MYH3: variants seen among roughly 807,000 people sequenced by gnomAD.
MYH3 encodes the protein myosin heavy chain 3.
In MYH3, 130 loss-of-function variants were observed where a neutral mutation model predicts 238.0. That is an observed-to-expected ratio of 0.55 (90% confidence interval 0.47 to 0.63). The LOEUF (loss-of-function observed/expected upper bound fraction) is 0.63, where lower values mean the gene tolerates loss of function less well. Among genes scored for constraint, MYH3 ranks in the 30% least tolerant of loss-of-function variants. MYH3 has a pLI of 0.00. For missense variants in MYH3, 1,853 were observed against 2,374.9 expected, an observed-to-expected ratio of 0.78 and a Z score of 4.57; for synonymous variants, 880 against 924.1, an observed-to-expected ratio of 0.95 and a Z score of 0.86.
chr17:10,651,778 T>G, intron 4 of MYH3, 110 bp from the exon 5 acceptor site: 1 of 1,387,110 alleles, frequency 7.2e-7, no homozygotes, highest in South Asian at 1.3e-5. Flanking sequence ...GGAGTCTCAC[T>G]CTGTCACCAG....
rs765984424 is a variant in MYH3 at position 10,639,788 on chromosome 17, C to A, written c.2697G>T (p.Leu899Phe). 6.2e-7 allele frequency: 1 copy of A among 1,613,700 alleles called. No homozygotes were observed. Among genetic ancestry groups the A allele is most frequent in the South Asian group, 1.1e-5 (1 of 91,036 alleles). ...QLQVQAESEN[L>F]LDAEERCDQL... ...GATCGCATCTTTCCTCAGCATCCAACAAATTTTCGCTTTCCTTAAAAAAAA... is the reference window on the plus strand; with the variant it reads ...GATCGCATCTTTCCTCAGCATCCAAAAAATTTTCGCTTTCCTTAAAAAAAA... The change falls in exon 23 of 41, where the codon TTG becomes TTT. Residue 899 changes from leucine to phenylalanine, a missense_variant. Physicochemically the swap from Leu to Phe is conservative, Grantham distance 22 (BLOSUM62 0). This residue lies in a region of MYH3 where 678 missense variants were observed against 1,058.9 expected (regional missense o/e 0.64). Coordinates refer to ENST00000583535, the MANE Select transcript of MYH3 (RefSeq NM_002470.4).
chr17:10,630,524 T>C, intron 36 of MYH3, 66 bp from the exon 37 acceptor site: 1 of 1,606,810 alleles, frequency 6.2e-7, no homozygotes, highest in Middle Eastern at 1.7e-4. Flanking sequence ...TGTCAAAACC[T>C]GGGGACCTCG....
Position 10,649,519 on chromosome 17 carries a change from G to A in MYH3, c.642+58C>T, listed in dbSNP as rs1007436394. 10 of 1,373,366 alleles carry A rather than the reference G, an allele frequency of 7.3e-6. No individual in the cohort carries two copies. The African/African-American group carries it at 1.3e-4, about 18-fold the overall frequency. The allele number at this position is 1,373,366 out of a possible 1,614,324, so 85.1% of individuals were successfully genotyped here. A position where few individuals can be genotyped will look rare whatever the true frequency, so the allele number is the denominator to read the frequency against. On this transcript the variant is annotated intron_variant, in intron 7 of 40. Coordinates refer to ENST00000583535, the MANE Select transcript of MYH3 (RefSeq NM_002470.4). ...TGAGGACATTTGGCCCCCTCATTCT[G>A]AGGTTAAGACCACAGTTAAAAGTGG... is the stretch of plus-strand genomic sequence containing the variant.
At chr17:10,655,461 G>A (rs1444455745) in intron 2 of MYH3, among the ~76,000 whole-genome samples, 2 of 152,146 alleles carry the variant, frequency 1.3e-5, no homozygotes, top group Non-Finnish European at 2.9e-5. Flanking sequence ...AAAAATAAAC[G>A]CCATCTTCAA....
At chr17:10,629,807 G>A (rs371770372) in intron 39 of MYH3, 35 bp downstream of exon 39, 10 of 1,613,970 alleles carry the variant, frequency 6.2e-6, no homozygotes, top group Non-Finnish European at 8.5e-6. Flanking sequence ...AAACAGCACG[G>A]TCTGCCTGCC....
At position 10,642,590 on chromosome 17, in the gene MYH3, C is replaced by T. The variant is rs879174054; in HGVS notation, c.1715G>A (p.Gly572Asp). The T allele has an allele frequency of 1.9e-6, 3 of 1,614,206 alleles. No individual in the cohort carries two copies. In the East Asian group the frequency reaches 6.7e-5, roughly 36 times the overall value. The change falls in exon 16 of 41, where the codon GGC (glycine) becomes GAC (aspartate). Residue 572 changes from glycine to aspartate, a missense_variant. Around this residue, in one of 3 missense-constraint regions of MYH3, gnomAD observed 678 missense variants for 1,058.9 expected, o/e 0.64. Transcript: ENST00000583535. This position sits in a 1 kb window ranked among gnomAD's most constrained non-coding sequence, Gnocchi z 5.4. ...CAGTGAGAAGTGAGCCTCGGCCCTG[C>T]CTTTGACCACCTTGGGCTTCTGGAA... ...NNFQKPKVVKGRAEAHFSLIH... is the reference protein window; with the variant it reads ...NNFQKPKVVKDRAEAHFSLIH...
Position 10,638,361 on chromosome 17 carries a change from G to A in MYH3, c.3411C>T (p.Arg1137=), listed in dbSNP as rs772867175. 6.2e-7 allele frequency: 1 copy of A among 1,608,422 alleles called. No individual in the cohort carries two copies. Among genetic ancestry groups the A allele is most frequent in the Non-Finnish European group, 8.5e-7 (1 of 1,179,968 alleles). The part of the protein sequence containing the change: ...RATRAKTEKQ[R]SDYARELEEL... ...CCTCCAGCTCCCGGGCATAGTCGCT[G>A]CGCTGTTTCTCTGTCTTCGCGCGGG... Residue 1137 remains arginine (R), a synonymous_variant, in exon 27 of 41, where the codon CGC becomes CGT. Transcript: ENST00000583535.
the MYH3 span, among the ~76,000 whole-genome samples, chr17:10,666,671 A>C: frequency 2.0e-5 from 3 of 150,840 alleles, no homozygotes; most frequent in Admixed American, 1.3e-4. Context: ...CTGAGGGGGG[A>C]GGACTGCTTG....
chr17:10,667,680 TAAA>T, the MYH3 span, among the ~76,000 whole-genome samples: 1,329 of 111,730 alleles, frequency 0.012, 23 homozygotes, highest in African/African-American at 0.039. Context: ...AGACTCTGTC[TAAA>T]AAAAAAAAAA....
Position 10,645,247 on chromosome 17 carries a change from T to C in MYH3, c.1141+460A>G, listed in dbSNP as rs555408508. On this transcript the variant is annotated intron_variant, in intron 12 of 40. Transcript: ENST00000583535. ...GTCAGGAGTTTGAGCCTGGCCAACATGGTGAAACCCCGTTTCTACTAAAAA... is the reference window on the plus strand; with the variant it reads ...GTCAGGAGTTTGAGCCTGGCCAACACGGTGAAACCCCGTTTCTACTAAAAA... 1.8e-4 allele frequency among the ~76,000 whole-genome samples: 27 copies of C among 151,562 alleles called. No individual in the cohort carries two copies. The East Asian group carries it at 5.2e-3, about 29-fold the overall frequency.
At chr17:10,678,377 C>T in the MYH3 span, 4 of 152,204 alleles carry the variant, frequency 2.6e-5, no homozygotes, top group African/African-American at 9.7e-5. Flanking sequence ...TTCCCCACTT[C>T]TAACATTCTG....
At chr17:10,633,176 G>A (rs916864214) in intron 33 of MYH3, among the ~76,000 whole-genome samples, 3 of 151,962 alleles carry the variant, frequency 2.0e-5, no homozygotes, top group African/African-American at 4.8e-5. Context: ...TGCCAGCATG[G>A]GCAACAAGAG....
At position 10,640,662 on chromosome 17, in the gene MYH3, T is replaced by G; in HGVS notation, c.2190A>C (p.Ala730=). Residue 730 remains alanine (A), a synonymous_variant, in exon 20 of 41, where the codon GCA becomes GCC. Coordinates refer to ENST00000583535, the MANE Select transcript of MYH3 (RefSeq NM_002470.4). ...KQRYRVLNAS[A]IPEGQFIDSK... is the part of the protein sequence containing the mutation. ...TGTCAATGAATTGTCCCTCAGGGATTGCACTGGCATTCAGCACTCGGTATC... is the reference window on the plus strand; with the variant it reads ...TGTCAATGAATTGTCCCTCAGGGATGGCACTGGCATTCAGCACTCGGTATC... 6.2e-7 allele frequency: 1 copy of G among 1,614,232 alleles called. No homozygotes were observed. Among genetic ancestry groups the G allele is most frequent in the South Asian group, 1.1e-5 (1 of 91,086 alleles).
chr17:10,641,847 G>A (rs1162166680), intron 17 of MYH3, among the ~76,000 whole-genome samples: 2 of 152,160 alleles, frequency 1.3e-5, no homozygotes, highest in Non-Finnish European at 2.9e-5. Context: ...ATGGCTGGAG[G>A]TGTAGGCTAG....
chr17:10,640,993 A>T (rs185215903), intron 19 of MYH3, 92 bp downstream of exon 19: 1 of 1,091,274 alleles, frequency 9.2e-7, no homozygotes, highest in African/African-American at 1.5e-5. Flanking sequence ...TGTTCTTTCG[A>T]AATAGGTCTT....
chr17:10,645,599 A>G lies in MYH3; in HGVS notation c.1141+108T>C, dbSNP rs1005718250. ...CAGCCTCCCAAAGTGCTGGGATTAC[A>G]GGTGTGAGCCACTGTGCCTGGCTGG... On this transcript the variant is annotated intron_variant, in intron 12 of 40. Coordinates refer to ENST00000583535, the MANE Select transcript of MYH3 (RefSeq NM_002470.4). 45 of 1,398,634 alleles carry G rather than the reference A, an allele frequency of 3.2e-5. No homozygotes were observed. In the Admixed American group the frequency reaches 4.2e-4, roughly 13 times the overall value. 86.6% of individuals were successfully genotyped at this position (1,398,634 alleles called of 1,614,324 possible). A position where few individuals can be genotyped will look rare whatever the true frequency, so the allele number is the denominator to read the frequency against.
chr17:10,665,386 G>A, the MYH3 span, among the ~76,000 whole-genome samples: 10 of 152,128 alleles, frequency 6.6e-5, no homozygotes, highest in South Asian at 4.1e-4. Context: ...CCAGTAGTCC[G>A]CCCGCCTTGG....
chr17:10,663,751 C>G, the MYH3 span, among the ~76,000 whole-genome samples: 1 of 95,538 alleles, frequency 1.0e-5, no homozygotes, highest in African/African-American at 3.4e-5. Flanking sequence ...ATTCCAAAAA[C>G]TAACTAACAC....
chr17:10,642,171 A>G lies in MYH3; in HGVS notation c.1959+69T>C, dbSNP rs2074279174. 6 of 1,399,160 alleles carry G rather than the reference A, an allele frequency of 4.3e-6. No individual in the cohort carries two copies. The Admixed American group carries it at 1.1e-4, about 25-fold the overall frequency. 86.7% of individuals were successfully genotyped at this position (1,399,160 alleles called of 1,614,324 possible). ...CTACTCTCAAATAAATCAAGCTTAGAATCTCAGCATTGCTCATTTAGATGT... is the reference window on the plus strand; with the variant it reads ...CTACTCTCAAATAAATCAAGCTTAGGATCTCAGCATTGCTCATTTAGATGT... On this transcript the variant is annotated intron_variant, in intron 17 of 40. Coordinates refer to ENST00000583535, the MANE Select transcript of MYH3 (RefSeq NM_002470.4). This position sits in a 1 kb window ranked among gnomAD's most constrained non-coding sequence, Gnocchi z 5.4.
Sources: gnomAD v4.1 joint callset for allele counts (sites outside exome capture counted in the v4.1 genomes callset) on GRCh38, gnomAD v4.1.1 for gene constraint, gnomAD v4.1.1 regional missense constraint, Gnocchi (gnomAD v3.1) non-coding constraint, MANE v1.5 for transcripts, NCBI Gene and HGNC (gene_info 2026-07-23, HGNC 2026-07-21) for gene names.